CELF2: variants seen among roughly 807,000 people sequenced by gnomAD.
CELF2 encodes CUG triplet repeat RNA-binding protein 2.
CELF2 carries 8 observed loss-of-function variants against 62.6 expected under a neutral mutation model. The observed-to-expected ratio is 0.13, with a 90% CI of 0.07 to 0.23. CELF2 has a LOEUF of 0.23. Ranked by LOEUF, CELF2 falls within the 10% of genes least tolerant of loss-of-function variation. CELF2 has a pLI of 1.00. For synonymous variants in CELF2, 258 were observed against 250.0 expected (o/e 1.03, Z -0.30); for missense variants, 333 against 671.0 (o/e 0.50, Z 5.56).
In CELF2 at chr10:11,159,727, T is replaced by C. The variant is rs1003908770; in HGVS notation, c.75-5759T>C. ...TTACCCGCCGGAGGCACCAGGCCCATCGCCAGGTTCTTTCTGCTTTTGCCT... is the reference window on the plus strand; with the variant it reads ...TTACCCGCCGGAGGCACCAGGCCCACCGCCAGGTTCTTTCTGCTTTTGCCT... On this transcript the variant is annotated intron_variant, in intron 1 of 12. Transcript: ENST00000633077. The surrounding 1 kb of genome is among the most constrained non-coding windows in gnomAD (Gnocchi z 5.0). 6.6e-6 allele frequency among the ~76,000 whole-genome samples: 1 copy of C among 152,252 alleles called. No individual in the cohort carries two copies. Among genetic ancestry groups the C allele is most frequent in the African/African-American group, 2.4e-5 (1 of 41,464 alleles).
the CELF2 span, among the ~76,000 whole-genome samples, chr10:10,542,028 C>T: frequency 6.6e-6 from 1 of 152,200 alleles, no homozygotes; most frequent in Non-Finnish European, 1.5e-5. Flanking sequence ...TGCACTGCCT[C>T]TCCCAGACAG....
rs560880269 is a variant in CELF2, at chr10:11,217,663, C to G, written c.354+156C>G. Among the ~76,000 whole-genome samples, 6 of 152,268 alleles carry G rather than the reference C, an allele frequency of 3.9e-5. No homozygotes were observed. The highest frequency in any genetic ancestry group is 1.2e-4 in the African/African-American group (5 of 41,536). On this transcript the variant is annotated intron_variant, in intron 3 of 12. Coordinates refer to ENST00000633077, the MANE Select transcript of CELF2 (RefSeq NM_001326342.2). The surrounding 1 kb of genome is among the most constrained non-coding windows in gnomAD (Gnocchi z 5.6). Reference sequence around the variant, plus strand: ...CAGTTCCCTGCAGCAGCCACACCAGCTGGCCAGCCCATAAAGGAGCGCTGG... The same window carrying G: ...CAGTTCCCTGCAGCAGCCACACCAGGTGGCCAGCCCATAAAGGAGCGCTGG...
At chr10:10,605,911 C>G in the CELF2 span, among the ~76,000 whole-genome samples, 1 of 152,218 alleles carries the variant, frequency 6.6e-6, no homozygotes, top group Non-Finnish European at 1.5e-5. Flanking sequence ...GGTCTGTAAT[C>G]ACGAGCCAAG....
the CELF2 span, among the ~76,000 whole-genome samples, chr10:10,631,765 C>T: frequency 6.6e-6 from 1 of 152,032 alleles, no homozygotes; most frequent in Admixed American, 6.6e-5. Flanking sequence ...AGATTCTACT[C>T]ACAATGGAAA....
At chr10:11,239,300 A>G (rs10905921) in intron 3 of CELF2, among the ~76,000 whole-genome samples, 62,564 of 151,996 alleles carry the variant, frequency 0.41, 12,849 homozygotes, top group East Asian at 0.47. Flanking sequence ...ACAAAGGCTG[A>G]TTTGGAGCCT....
chr10:10,825,691 C>CAAG (rs1486339701), intron 1 of CELF2, among the ~76,000 whole-genome samples: 11 of 152,286 alleles, frequency 7.2e-5, no homozygotes, highest in Non-Finnish European at 1.3e-4. Context: ...TGTTGGTGGA[C>CAAG]TTCTCTGCAA....
At chr10:11,138,987 T>A (rs1196086571) in intron 1 of CELF2, among the ~76,000 whole-genome samples, 5 of 152,382 alleles carry the variant, frequency 3.3e-5, no homozygotes, top group Middle Eastern at 3.4e-3. Flanking sequence ...AGTACAGTTA[T>A]GGCAATTATA....
chr10:11,289,936 T>C (rs766442643), intron 9 of CELF2, among the ~76,000 whole-genome samples: 6 of 152,236 alleles, frequency 3.9e-5, no homozygotes, highest in Non-Finnish European at 8.8e-5. Context: ...ACAAATCAGA[T>C]TAAAATGTAT....
the CELF2 span, among the ~76,000 whole-genome samples, chr10:10,542,361 G>A: frequency 6.6e-6 from 1 of 152,008 alleles, no homozygotes; most frequent in African/African-American, 2.4e-5. Context: ...ACCACATGAT[G>A]AGGAAAGAAA....
intron 4 of CELF2, among the ~76,000 whole-genome samples, chr10:11,251,270 A>ATTTTTTTTTTT (rs66615560): frequency 4.7e-5 from 3 of 63,300 alleles, no homozygotes; most frequent in Non-Finnish European, 5.3e-5. Flanking sequence ...ACACAAAGGG[A>ATTTTTTTTTTT]TTTTTTTTTT....
intron 1 of CELF2, among the ~76,000 whole-genome samples, chr10:11,070,473 GC>G (rs773076677): frequency 1.9e-3 from 292 of 152,312 alleles, no homozygotes; most frequent in Non-Finnish European, 3.4e-3. Flanking sequence ...AGTGATGATG[GC>G]ATTTGAGGTG....
At chr10:11,192,007 C>G (rs1199349939) in intron 2 of CELF2, among the ~76,000 whole-genome samples, 1 of 152,170 alleles carries the variant, frequency 6.6e-6, no homozygotes, top group African/African-American at 2.4e-5. Context: ...CCCAGAATAG[C>G]CAATTAGTAT....
intron 1 of CELF2, among the ~76,000 whole-genome samples, chr10:11,009,345 G>C (rs951607335): frequency 6.6e-6 from 1 of 151,868 alleles, no homozygotes; most frequent in Non-Finnish European, 1.5e-5. Flanking sequence ...GTGCGCGTGT[G>C]TGTGAGTGTG....
At chr10:10,793,742 G>T (rs958490646), upstream of CELF2, among the ~76,000 whole-genome samples, 2 of 152,028 alleles carry the variant, frequency 1.3e-5, no homozygotes, top group African/African-American at 4.8e-5. Flanking sequence ...TTTATGTTTG[G>T]CTTTTAACAA....
chr10:10,786,242 C>A, the CELF2 span, among the ~76,000 whole-genome samples: 3 of 152,098 alleles, frequency 2.0e-5, no homozygotes, highest in African/African-American at 7.2e-5. Context: ...GACACAGGGA[C>A]AATACATGCC....
upstream of CELF2, among the ~76,000 whole-genome samples, chr10:11,013,891 T>C (rs1023445559): frequency 1.2e-4 from 19 of 152,228 alleles, no homozygotes; most frequent in African/African-American, 4.3e-4. This position sits in a 1 kb window ranked among gnomAD's most constrained non-coding sequence, Gnocchi z 4.1. Flanking sequence ...GGTTTTTTGT[T>C]AACACATTAA....
chr10:11,064,872 G>T (rs1381001271), intron 1 of CELF2, among the ~76,000 whole-genome samples: 1 of 152,152 alleles, frequency 6.6e-6, no homozygotes, highest in Non-Finnish European at 1.5e-5. Context: ...CGGTAGTCAG[G>T]GAATCATCTA....
chr10:10,882,056 A>C (rs573985778), intron 1 of CELF2, among the ~76,000 whole-genome samples: 1 of 152,208 alleles, frequency 6.6e-6, no homozygotes, highest in Non-Finnish European at 1.5e-5. Context: ...GCGGATTGCT[A>C]TCCTAACTCT....
At chr10:10,992,517 G>A (rs1160177011) in intron 2 of CELF2, among the ~76,000 whole-genome samples, 1 of 152,182 alleles carries the variant, frequency 6.6e-6, no homozygotes, top group East Asian at 1.9e-4. Context: ...TCGAAGGAGG[G>A]CGCAAAGAAT....
Sources: allele counts gnomAD v4.1 joint callset (sites outside exome capture counted in the v4.1 genomes callset), GRCh38; gene constraint gnomAD v4.1.1; non-coding constraint Gnocchi (gnomAD v3.1); transcripts MANE v1.5; gene names NCBI Gene and HGNC (gene_info 2026-07-23, HGNC 2026-07-21).